The following FOXP1 variants were observed in gnomAD, a reference collection of about 807,000 sequenced individuals.
The protein encoded by FOXP1 is forkhead box P1.
Under a neutral mutation model 98.2 loss-of-function variants are expected in FOXP1, and 15 were observed. The observed-to-expected ratio is 0.15, with a 90% CI of 0.10 to 0.24. FOXP1 has a LOEUF of 0.24. Among genes scored for constraint, FOXP1 ranks in the 10% least tolerant of loss-of-function variants. The probability of loss-of-function intolerance (pLI) is 1.00; values close to 1 mark genes in which losing one functional copy is unlikely to be tolerated. For missense variants in FOXP1, 633 were observed against 848.5 expected (o/e 0.75, Z 3.15); for synonymous variants, 371 against 314.5 (o/e 1.18, Z -1.90).
chr3:71,369,913 A>G (rs2079179675), intron 3 of FOXP1, among the ~76,000 whole-genome samples: 1 of 152,216 alleles, frequency 6.6e-6, no homozygotes, highest in Non-Finnish European at 1.5e-5. Flanking sequence ...CCCACATACT[A>G]CCAGGAAACA....
At chr3:71,042,248 A>G (rs973383925) in intron 10 of FOXP1, among the ~76,000 whole-genome samples, 2 of 152,206 alleles carry the variant, frequency 1.3e-5, no homozygotes, top group African/African-American at 4.8e-5. Context: ...TGCAGAATAA[A>G]ATGCAAACGT....
chr3:70,976,861 T>C (rs1165087335), intron 17 of FOXP1, 80 bp downstream of exon 17: 6 of 1,017,394 alleles, frequency 5.9e-6, no homozygotes, highest in East Asian at 2.4e-5. Flanking sequence ...AGCTTCCTTA[T>C]AGCACAACTG....
chr3:71,509,993 A>G (rs2042085822), intron 2 of FOXP1, among the ~76,000 whole-genome samples: 1 of 151,994 alleles, frequency 6.6e-6, no homozygotes, highest in Non-Finnish European at 1.5e-5. Flanking sequence ...AGCCTGGCCA[A>G]CATGGTGAAA....
intron 3 of FOXP1, among the ~76,000 whole-genome samples, chr3:71,405,816 C>T (rs1443342848): frequency 1.3e-5 from 2 of 151,998 alleles, no homozygotes; most frequent in Non-Finnish European, 2.9e-5. Context: ...ACAACCTCTG[C>T]CTCCCGGGTT....
At chr3:71,082,227 C>T (rs113156408) in intron 7 of FOXP1, among the ~76,000 whole-genome samples, 22 of 149,070 alleles carry the variant, frequency 1.5e-4, no homozygotes, top group Non-Finnish European at 2.7e-4. Flanking sequence ...TGCAGTGAGC[C>T]GAGATTGCAC....
At chr3:71,307,843 A>G (rs1243180627) in intron 4 of FOXP1, among the ~76,000 whole-genome samples, 1 of 152,190 alleles carries the variant, frequency 6.6e-6, no homozygotes, top group East Asian at 1.9e-4. Context: ...ATGCAACTGA[A>G]TATATTATAC....
At chr3:71,192,822 G>C (rs2063069927) in intron 6 of FOXP1, among the ~76,000 whole-genome samples, 1 of 152,010 alleles carries the variant, frequency 6.6e-6, no homozygotes, top group Admixed American at 6.6e-5. Flanking sequence ...GATAACTTTT[G>C]CATTTTTTGT....
At chr3:71,124,594 A>G (rs919026038) in intron 6 of FOXP1, among the ~76,000 whole-genome samples, 2 of 151,514 alleles carry the variant, frequency 1.3e-5, no homozygotes, top group African/African-American at 4.8e-5. Flanking sequence ...TGTGTGGTGC[A>G]CATATTATGT....
At chr3:71,094,464 A>G (rs2056261666) in intron 7 of FOXP1, among the ~76,000 whole-genome samples, 1 of 151,854 alleles carries the variant, frequency 6.6e-6, no homozygotes, top group Non-Finnish European at 1.5e-5. Context: ...TTCATGTTTC[A>G]TGAAATATTA....
intron 5 of FOXP1, among the ~76,000 whole-genome samples, chr3:71,279,925 T>C (rs1348607301): frequency 2.0e-5 from 3 of 151,904 alleles, no homozygotes; most frequent in Admixed American, 2.0e-4. Context: ...AGATCGAGAC[T>C]ATCCTGGCTA....
At chr3:71,162,118 C>T (rs1203121422) in intron 6 of FOXP1, among the ~76,000 whole-genome samples, 1 of 152,210 alleles carries the variant, frequency 6.6e-6, no homozygotes, top group African/African-American at 2.4e-5. Flanking sequence ...AGCATACAGC[C>T]AGATGTACCT....
chr3:71,291,799 C>T (rs912378371), intron 5 of FOXP1, among the ~76,000 whole-genome samples: 1 of 150,994 alleles, frequency 6.6e-6, no homozygotes, highest in Non-Finnish European at 1.5e-5. Context: ...CTCTGCCTCC[C>T]GGGTTCAAGT....
intron 4 of FOXP1, among the ~76,000 whole-genome samples, chr3:71,357,211 C>T (rs1297357519): frequency 6.6e-6 from 1 of 152,160 alleles, no homozygotes; most frequent in African/African-American, 2.4e-5. Flanking sequence ...TTAATGAAAT[C>T]TTACATCCAC....
At chr3:71,386,460 A>G (rs1250404423) in intron 3 of FOXP1, among the ~76,000 whole-genome samples, 1 of 152,114 alleles carries the variant, frequency 6.6e-6, no homozygotes, top group Non-Finnish European at 1.5e-5. Flanking sequence ...TAATAGAATC[A>G]CGCCCTGTGC....
chr3:71,002,729 G>A (rs965918503), intron 12 of FOXP1, among the ~76,000 whole-genome samples: 1 of 152,124 alleles, frequency 6.6e-6, no homozygotes, highest in African/African-American at 2.4e-5. Flanking sequence ...GTCAGAACTC[G>A]GGAGTTAGTT....
chr3:71,106,492 C>T (rs536364427), intron 7 of FOXP1, among the ~76,000 whole-genome samples: 10 of 152,184 alleles, frequency 6.6e-5, no homozygotes, highest in African/African-American at 1.2e-4. Context: ...CGTGCCACCA[C>T]GCCCAGCTAA....
At chr3:71,198,732 G>A (rs1428155250) in intron 5 of FOXP1, among the ~76,000 whole-genome samples, 4 of 151,072 alleles carry the variant, frequency 2.6e-5, no homozygotes, top group Admixed American at 6.6e-5. Context: ...CGGCTCAGTC[G>A]CCCAGGCTGG....
At chr3:71,143,645 G>A (rs767419305) in intron 6 of FOXP1, among the ~76,000 whole-genome samples, 53 of 152,184 alleles carry the variant, frequency 3.5e-4, no homozygotes, top group Non-Finnish European at 7.2e-4. Context: ...TGTAATTCCA[G>A]TGCTTTGGGA....
At chr3:71,373,289 A>G (rs1260479746) in intron 3 of FOXP1, among the ~76,000 whole-genome samples, 1 of 151,706 alleles carries the variant, frequency 6.6e-6, no homozygotes, top group East Asian at 1.9e-4. Flanking sequence ...GATTTTGCTA[A>G]GAGCATCCTA....
Sources: gnomAD v4.1 joint callset for allele counts (sites outside exome capture counted in the v4.1 genomes callset) on GRCh38, gnomAD v4.1.1 for gene constraint, MANE v1.5 for transcripts, NCBI Gene and HGNC (gene_info 2026-07-23, HGNC 2026-07-21) for gene names.